The following AKAP12 variants were observed in gnomAD, a reference collection of about 807,000 sequenced individuals.
AKAP12 encodes A-kinase anchor protein 12.
In AKAP12, 32 loss-of-function variants were observed where a neutral mutation model predicts 79.9. The observed-to-expected ratio is 0.40, with a 90% CI of 0.30 to 0.54. The LOEUF (loss-of-function observed/expected upper bound fraction) is 0.54, where lower values mean the gene tolerates loss of function less well. Ranked by LOEUF, AKAP12 falls within the 20% of genes least tolerant of loss-of-function variation. AKAP12 has a pLI of 0.48. For missense variants in AKAP12, 2,074 were observed against 2,177.0 expected, an observed-to-expected ratio of 0.95 and a Z score of 0.94; for synonymous variants, 808 against 857.0, an observed-to-expected ratio of 0.94 and a Z score of 1.00.
chr6:151,320,728 A>G (rs1777359787), intron 3 of AKAP12, among the ~76,000 whole-genome samples: 1 of 152,118 alleles, frequency 6.6e-6, no homozygotes, highest in African/African-American at 2.4e-5. Context: ...TCCTCCCGTC[A>G]TCACAGCCTG....
In AKAP12 at chr6:151,316,864, C is replaced by T. The variant is rs191765932; in HGVS notation, c.319+10961C>T. 2.3e-3 allele frequency among the ~76,000 whole-genome samples: 346 copies of T among 152,260 alleles called. 8 individuals carry two copies. Among genetic ancestry groups the T allele is most frequent in the Admixed American group, 0.02 (302 of 15,294 alleles). On this transcript the variant is annotated intron_variant, in intron 3 of 4. Coordinates refer to ENST00000402676, the MANE Select transcript of AKAP12 (RefSeq NM_005100.4). ...TGTTGGCCAGGATGGTCTCGAACTC[C>T]TGACCTCAAGTGATCAGCCCGCCTT...
chr6:151,286,667 C>T (rs895809472), intron 2 of AKAP12, among the ~76,000 whole-genome samples: 3 of 152,046 alleles, frequency 2.0e-5, no homozygotes, highest in Non-Finnish European at 2.9e-5. Flanking sequence ...TTGAGGTATC[C>T]GTTATCTATT....
intron 2 of AKAP12, among the ~76,000 whole-genome samples, chr6:151,272,493 TGATAGATAGATAGATA>T (rs76256853): frequency 4.9e-5 from 7 of 144,256 alleles, no homozygotes; most frequent in South Asian, 4.7e-4. Context: ...TTTCATGAGA[TGATAGATAGATAGATA>T]GATAGATAGA....
At chr6:151,261,111 G>A (rs759152689) in intron 2 of AKAP12, among the ~76,000 whole-genome samples, 1 of 152,086 alleles carries the variant, frequency 6.6e-6, no homozygotes, top group Non-Finnish European at 1.5e-5. Flanking sequence ...GGTTTGGCCG[G>A]CTTCAGTGGC....
intron 2 of AKAP12, among the ~76,000 whole-genome samples, chr6:151,242,482 A>G (rs183848349): frequency 6.6e-6 from 1 of 152,386 alleles, no homozygotes; most frequent in African/African-American, 2.4e-5. Context: ...ATGCCCAGTT[A>G]TCAATTTGGA....
At chr6:151,301,783 C>T (rs1277589128) in intron 2 of AKAP12, among the ~76,000 whole-genome samples, 1 of 152,166 alleles carries the variant, frequency 6.6e-6, no homozygotes, top group African/African-American at 2.4e-5. Flanking sequence ...ACTCAAAACT[C>T]AGGTTCAGTA....
chr6:151,353,657 G>C lies in AKAP12; in HGVS notation c.5266G>C (p.Asp1756His). The C allele has an allele frequency of 6.2e-7, 1 of 1,614,048 alleles. No individual in the cohort carries two copies. The highest frequency in any genetic ancestry group is 8.5e-7 in the Non-Finnish European group (1 of 1,179,998). ...LQEGKVHSES[D>H]KAITPQAQEE... ...GGAAGGAAAAGTGCACAGTGAATCA[G>C]ATAAAGCGATCACACCCCAAGCACA... Residue 1756 changes from aspartate (D) to histidine (H), a missense_variant, in exon 4 of 5, where the codon GAT (aspartate) becomes CAT (histidine). This residue lies in a region of AKAP12 where 614 missense variants were observed against 665.6 expected (regional missense o/e 0.92). Coordinates refer to ENST00000402676, the MANE Select transcript of AKAP12 (RefSeq NM_005100.4).
chr6:151,257,933 C>T (rs1582837290), intron 2 of AKAP12, among the ~76,000 whole-genome samples: 2 of 152,148 alleles, frequency 1.3e-5, no homozygotes, highest in African/African-American at 2.4e-5. Flanking sequence ...TTTCATTGTT[C>T]AAATAATTCT....
chr6:151,324,719 C>T, intron 3 of AKAP12: 1 of 985,276 alleles, frequency 1.0e-6, no homozygotes, highest in Non-Finnish European at 1.2e-6. Context: ...GGGAACAAAC[C>T]CAGGGGACCT....
At position 151,353,750 on chromosome 6, in the gene AKAP12, C is replaced by T; in HGVS notation, c.*10C>T. 1 of 1,541,902 alleles carries T rather than the reference C, an allele frequency of 6.5e-7. No homozygotes were observed. Among genetic ancestry groups the T allele is most frequent in the African/African-American group, 1.4e-5 (1 of 71,858 alleles). On this transcript the variant is annotated splice_region_variant and 3_prime_UTR_variant, in exon 4 of 5. Coordinates refer to ENST00000402676, the MANE Select transcript of AKAP12 (RefSeq NM_005100.4). The stretch of plus-strand genomic sequence containing the variant: ...ACTTACAGAATCTTAAAACATCATG[C>T]AGGTAAGCTTCCTTGTCTTCTAAGA...
rs202186710 is a variant in AKAP12, at chr6:151,352,971, G to C, written c.4580G>C (p.Ser1527Thr). ...EQVACQEVKVSVAIEDLEPEN... is the reference protein window; with the variant it reads ...EQVACQEVKVTVAIEDLEPEN... ...GTTGCTTGCCAGGAGGTCAAAGTGA[G>C]TGTAGCAATTGAGGATTTAGAGCCT... Residue 1527 changes from serine to threonine, a missense_variant, in exon 4 of 5, where the codon AGT (serine) becomes ACT (threonine). By Grantham distance (58) the Ser-to-Thr change is moderately conservative. Coordinates refer to ENST00000402676, the MANE Select transcript of AKAP12 (RefSeq NM_005100.4). 27 of 1,532,026 alleles carry C rather than the reference G, an allele frequency of 1.8e-5. No homozygotes were observed. The highest frequency in any genetic ancestry group is 2.3e-5 in the Non-Finnish European group (26 of 1,143,488). The allele number at this position is 1,532,026 out of a possible 1,614,324, so 94.9% of individuals were successfully genotyped here.
chr6:151,296,504 C>T (rs537057705), intron 2 of AKAP12, among the ~76,000 whole-genome samples: 1 of 152,282 alleles, frequency 6.6e-6, no homozygotes, highest in African/African-American at 2.4e-5. Flanking sequence ...CAGCCAGGTG[C>T]GGTGGCTCAT....
chr6:151,329,397 C>T (rs1777613159), intron 3 of AKAP12, among the ~76,000 whole-genome samples: 1 of 152,136 alleles, frequency 6.6e-6, no homozygotes, highest in African/African-American at 2.4e-5. Context: ...AGCCACCACG[C>T]CCGGCCAAAA....
At chr6:151,343,896 A>G (rs770763468) in intron 3 of AKAP12, 1 of 438,878 alleles carries the variant, frequency 2.3e-6, no homozygotes, top group South Asian at 1.7e-5. Context: ...GAACAAATAG[A>G]AACTTAAAGC....
intron 2 of AKAP12, among the ~76,000 whole-genome samples, chr6:151,281,959 A>G (rs1299188104): frequency 6.6e-6 from 1 of 152,008 alleles, no homozygotes; most frequent in Non-Finnish European, 1.5e-5. Context: ...TGGCCTCCCA[A>G]AGCACTGGGT....
At chr6:151,308,269 G>C (rs1335136500) in intron 3 of AKAP12, among the ~76,000 whole-genome samples, 2 of 151,854 alleles carry the variant, frequency 1.3e-5, no homozygotes, top group Non-Finnish European at 2.9e-5. Context: ...CTAGAGTGCA[G>C]TGGCATGATT....
chr6:151,305,588 T>G (rs1048843789), intron 2 of AKAP12, among the ~76,000 whole-genome samples, 159 bp from the exon 3 acceptor site: 2 of 152,198 alleles, frequency 1.3e-5, no homozygotes, highest in South Asian at 4.1e-4. Flanking sequence ...GGTAGCTGGA[T>G]CTTTCAGACA....
intron 3 of AKAP12, among the ~76,000 whole-genome samples, chr6:151,318,796 A>C (rs528189729): frequency 1.3e-5 from 2 of 152,164 alleles, no homozygotes; most frequent in East Asian, 3.9e-4. Context: ...TAAAAAAATT[A>C]TCTAGGTGTG....
intron 3 of AKAP12, among the ~76,000 whole-genome samples, chr6:151,311,948 C>G (rs896382793): frequency 6.6e-6 from 1 of 152,210 alleles, no homozygotes; most frequent in East Asian, 1.9e-4. Flanking sequence ...ATGACTCCCC[C>G]ACCCCATACC....
Sources: gnomAD v4.1 joint callset for allele counts (sites outside exome capture counted in the v4.1 genomes callset) on GRCh38, gnomAD v4.1.1 for gene constraint, gnomAD v4.1.1 regional missense constraint, MANE v1.5 for transcripts, NCBI Gene and HGNC (gene_info 2026-07-23, HGNC 2026-07-21) for gene names.